The following LRBA variants were observed in gnomAD, a reference collection of about 807,000 sequenced individuals.
LRBA encodes LPS responsive beige-like anchor protein.
In LRBA, 176 loss-of-function variants were observed where a neutral mutation model predicts 330.0. That is an observed-to-expected ratio of 0.53 (90% confidence interval 0.47 to 0.60). The LOEUF is 0.60. LRBA is among the 20% of genes least tolerant of loss of function. LRBA has a pLI of 0.00. For synonymous variants in LRBA, 1,230 were observed against 1,193.0 expected (o/e 1.03, Z -0.64); for missense variants, 3,259 against 3,444.8 (o/e 0.95, Z 1.35).
chr4:150,592,148 T>C (rs944645605), intron 38 of LRBA, among the ~76,000 whole-genome samples: 1 of 137,968 alleles, frequency 7.2e-6, no homozygotes, highest in African/African-American at 2.7e-5. Context: ...GCTAGGGTTT[T>C]TTTTTTTTTT....
intron 36 of LRBA, among the ~76,000 whole-genome samples, chr4:150,694,957 G>A (rs886531401): frequency 1.5e-4 from 22 of 151,256 alleles, no homozygotes; most frequent in African/African-American, 5.3e-4. Flanking sequence ...TATAATATTT[G>A]TAAAAACAAG....
At chr4:150,975,235 T>A (rs1048263572) in intron 2 of LRBA, among the ~76,000 whole-genome samples, 1 of 152,106 alleles carries the variant, frequency 6.6e-6, no homozygotes, top group Admixed American at 6.6e-5. Context: ...GAGGTAAAGA[T>A]AAAGGTAAAG....
chr4:150,677,137 C>A (rs1782628959), intron 37 of LRBA, among the ~76,000 whole-genome samples: 2 of 151,948 alleles, frequency 1.3e-5, no homozygotes, highest in African/African-American at 2.4e-5. Context: ...ACCCCCCAAC[C>A]CCCAAAAATG....
chr4:150,885,273 C>G (rs1728828985), intron 17 of LRBA, among the ~76,000 whole-genome samples: 1 of 150,012 alleles, frequency 6.7e-6, no homozygotes, highest in East Asian at 1.9e-4. Context: ...AATTTAATGA[C>G]GAAACATTTA....
chr4:150,940,607 C>T (rs565324817), intron 2 of LRBA, among the ~76,000 whole-genome samples: 1 of 152,184 alleles, frequency 6.6e-6, no homozygotes, highest in Admixed American at 6.5e-5. Context: ...ATATTTTACA[C>T]ATACATTTTT....
In LRBA at chr4:150,277,947, C is replaced by T. The variant is rs1747019973; in HGVS notation, c.8374G>A (p.Val2792Ile). Reference protein sequence around the residue: ...YLLTGGDRGVVVVRQVSDLKQ... With the variant: ...YLLTGGDRGVIVVRQVSDLKQ... ...AGGTCCGACACCTGCCGGACCACGA[C>T]CACTCCTCTGTCTCCTCCTGTGAGC... Residue 2792 changes from valine (V) to isoleucine (I), a missense_variant, in exon 56 of 57, where the codon GTC (valine) becomes ATC (isoleucine). Transcript: ENST00000651943. 1.2e-6 allele frequency: 2 copies of T among 1,614,146 alleles called. No homozygotes were observed. Among genetic ancestry groups the T allele is most frequent in the Non-Finnish European group, 1.7e-6 (2 of 1,180,016 alleles).
chr4:150,803,083 T>TATACACACACACACAC (rs748531851), intron 33 of LRBA, among the ~76,000 whole-genome samples: 1 of 128,480 alleles, frequency 7.8e-6, no homozygotes, highest in Admixed American at 8.2e-5. Context: ...AAAATATATA[T>TATACACACACACACAC]ACACACACAC....
intron 13 of LRBA, 44 bp from the exon 14 acceptor site, chr4:150,900,261 T>G: frequency 1.4e-6 from 2 of 1,468,556 alleles, no homozygotes; most frequent in Non-Finnish European, 1.9e-6. Flanking sequence ...CACCAGCATT[T>G]TATCTGTTTC....
rs572995926 is a variant in LRBA at position 151,014,429 on chromosome 4, G to A, written c.214C>T (p.Leu72=). The part of the protein sequence containing the change: ...NRDIVETVFN[L]LVGGQFDLEM... ...TTATAAAATATTCATGGACTTACCAGGTTAAAGACAGTTTCTACAATATCC... is the reference window on the plus strand; with the variant it reads ...TTATAAAATATTCATGGACTTACCAAGTTAAAGACAGTTTCTACAATATCC... The change falls in exon 2 of 57, where the codon CTG becomes TTG. Residue 72 remains leucine, a splice_region_variant and synonymous_variant. Transcript: ENST00000651943. The A allele has an allele frequency of 1.9e-6, 3 of 1,612,044 alleles. No homozygotes were observed. Among genetic ancestry groups the A allele is most frequent in the East Asian group, 2.2e-5 (1 of 44,880 alleles).
intron 37 of LRBA, among the ~76,000 whole-genome samples, chr4:150,670,334 T>C (rs537478723): frequency 2.2e-4 from 34 of 152,338 alleles, no homozygotes; most frequent in African/African-American, 7.2e-4. Context: ...CTAAAAAATA[T>C]TTATTCTATG....
chr4:150,295,053 T>TA (rs1728797742), intron 53 of LRBA, among the ~76,000 whole-genome samples: 1 of 152,136 alleles, frequency 6.6e-6, no homozygotes, highest in African/African-American at 2.4e-5. Context: ...CTATGCTGCA[T>TA]AAAAGCTAAT....
chr4:150,902,824 T>C lies in LRBA; in HGVS notation c.1756-2607A>G, dbSNP rs932987671. Among the ~76,000 whole-genome samples, 3 of 152,194 alleles carry C rather than the reference T, an allele frequency of 2.0e-5. No homozygotes were observed. In the South Asian group the frequency reaches 6.2e-4, roughly 32 times the overall value. On this transcript the variant is annotated intron_variant, in intron 13 of 56. Coordinates refer to ENST00000651943, the MANE Select transcript of LRBA (RefSeq NM_001364905.1). Reference sequence around the variant, plus strand: ...AGATTGATGAAATCAGAATCTGCAGTGGAAGTGGTGGGATTCTATTTTTGC... The same window carrying C: ...AGATTGATGAAATCAGAATCTGCAGCGGAAGTGGTGGGATTCTATTTTTGC...
chr4:150,454,056 G>A (rs1753735264), intron 44 of LRBA, among the ~76,000 whole-genome samples: 1 of 152,054 alleles, frequency 6.6e-6, no homozygotes. Context: ...CAACTCCCTG[G>A]TTCAAGATAT....
chr4:150,376,875 T>C (rs561465282), intron 47 of LRBA, among the ~76,000 whole-genome samples: 2 of 152,102 alleles, frequency 1.3e-5, no homozygotes, highest in Non-Finnish European at 2.9e-5. Context: ...GATGAGACCT[T>C]GGCTCCTCTT....
intron 40 of LRBA, among the ~76,000 whole-genome samples, chr4:150,499,968 G>A (rs1444521463): frequency 6.6e-6 from 1 of 151,986 alleles, no homozygotes; most frequent in African/African-American, 2.4e-5. Context: ...AGTGAGGTGG[G>A]AAGCAAGGAA....
chr4:150,525,105 T>G (rs1018389053), intron 40 of LRBA, among the ~76,000 whole-genome samples: 2 of 152,176 alleles, frequency 1.3e-5, no homozygotes, highest in Admixed American at 6.5e-5. Flanking sequence ...CAATTCTATA[T>G]GTACTGAAAA....
intron 30 of LRBA, among the ~76,000 whole-genome samples, chr4:150,817,729 G>C (rs891645668): frequency 6.6e-6 from 1 of 151,138 alleles, no homozygotes. Context: ...TATATCTTTT[G>C]ATAATATATA....
chr4:150,289,509 G>C (rs1748584437), intron 53 of LRBA, among the ~76,000 whole-genome samples: 1 of 152,134 alleles, frequency 6.6e-6, no homozygotes, highest in African/African-American at 2.4e-5. Context: ...ATGATCATTA[G>C]GTTCTCAGGT....
At chr4:150,821,251 A>C (rs1196382008) in intron 30 of LRBA, among the ~76,000 whole-genome samples, 1 of 152,096 alleles carries the variant, frequency 6.6e-6, no homozygotes, top group Non-Finnish European at 1.5e-5. Context: ...TCAATTATAA[A>C]CCAAATATTA....
Sources: gnomAD v4.1 joint callset for allele counts (sites outside exome capture counted in the v4.1 genomes callset) on GRCh38, gnomAD v4.1.1 for gene constraint, MANE v1.5 for transcripts, NCBI Gene and HGNC (gene_info 2026-07-23, HGNC 2026-07-21) for gene names.